The following LARP4 variants were observed in gnomAD, a reference collection of about 807,000 sequenced individuals.
LARP4 encodes la-related protein 4.
Under a neutral mutation model 92.9 loss-of-function variants are expected in LARP4, and 29 were observed. The ratio of observed to expected loss-of-function variants is 0.31; its 90% CI spans 0.23 to 0.43. The LOEUF is 0.43. Among genes scored for constraint, LARP4 ranks in the 20% least tolerant of loss-of-function variants. LARP4 has a pLI of 1.00. For synonymous variants in LARP4, 279 were observed against 284.1 expected (o/e 0.98, Z 0.18); for missense variants, 732 against 860.0 (o/e 0.85, Z 1.86).
chr12:50,418,235 A>G (rs569601869), intron 1 of LARP4, among the ~76,000 whole-genome samples: 26 of 151,910 alleles, frequency 1.7e-4, no homozygotes, highest in African/African-American at 5.6e-4. Flanking sequence ...TCCTGACCTC[A>G]AGTGGATCCA....
At chr12:50,464,577 G>C (rs1955890394) in intron 12 of LARP4, among the ~76,000 whole-genome samples, 1 of 151,884 alleles carries the variant, frequency 6.6e-6, no homozygotes, top group Non-Finnish European at 1.5e-5. Flanking sequence ...ATTTTTAGTA[G>C]AGACGGAGTT....
At chr12:50,461,549 G>A (rs1233752204) in intron 11 of LARP4, 2 of 536,414 alleles carry the variant, frequency 3.7e-6, no homozygotes, top group Admixed American at 7.2e-5. Context: ...ATATAGCTCT[G>A]AATCAGAGGT....
chr12:50,440,584 C>A, intron 7 of LARP4, 35 bp downstream of exon 7: 3 of 1,398,566 alleles, frequency 2.1e-6, no homozygotes, highest in South Asian at 1.2e-5. Context: ...CAAGTCCATC[C>A]TAGTGGCAAA....
intron 13 of LARP4, among the ~76,000 whole-genome samples, chr12:50,468,701 C>T (rs935538991): frequency 4.6e-5 from 7 of 152,138 alleles, no homozygotes; most frequent in African/African-American, 1.7e-4. Context: ...AGCCAACATA[C>T]TCACACTTTT....
At chr12:50,424,667 T>G (rs1948447819) in intron 1 of LARP4, among the ~76,000 whole-genome samples, 1 of 151,968 alleles carries the variant, frequency 6.6e-6, no homozygotes, top group African/African-American at 2.4e-5. Context: ...CAACCCTGTC[T>G]TTAAAAATAA....
intron 1 of LARP4, chr12:50,415,622 A>G (rs1946629519): frequency 6.6e-6 from 1 of 151,232 alleles, no homozygotes; most frequent in African/African-American, 2.4e-5. Flanking sequence ...CATTTGCAAA[A>G]TTGCCCATGT....
chr12:50,473,587 C>A, intron 14 of LARP4, 51 bp downstream of exon 14: 1 of 1,574,672 alleles, frequency 6.4e-7, no homozygotes, highest in Non-Finnish European at 8.7e-7. Context: ...TTTTTCTGGC[C>A]GGGTGTGGTG....
intron 8 of LARP4, among the ~76,000 whole-genome samples, chr12:50,445,996 CTTTTTTCTTTTTTT>C (rs1314377149): frequency 7.1e-6 from 1 of 141,168 alleles, no homozygotes; most frequent in Non-Finnish European, 1.6e-5. Flanking sequence ...TTCTTTTTTT[CTTTTTTCTTTTTTT>C]TTTTTTTTTT....
rs752686428 is a variant in LARP4 at position 50,461,364 on chromosome 12, C to T, written c.1334+17C>T. 15 of 1,600,782 alleles carry T rather than the reference C, an allele frequency of 9.4e-6. No homozygotes were observed. Among genetic ancestry groups the T allele is most frequent in the Non-Finnish European group, 1.1e-5 (13 of 1,170,698 alleles). ...TAGGGGCAGGTAAGAAAATAAAGTA[C>T]CTGAAAACCTTTGATAATAATGTGA... On this transcript the variant is annotated intron_variant, in intron 11 of 15. Transcript: ENST00000398473.
Position 50,428,585 on chromosome 12 carries a change from C to T in LARP4, c.167-350C>T, listed in dbSNP as rs1303288262. Among the ~76,000 whole-genome samples, 4 of 152,182 alleles carry T rather than the reference C, an allele frequency of 2.6e-5. No homozygotes were observed. In the East Asian group the frequency reaches 7.7e-4, roughly 29 times the overall value. On this transcript the variant is annotated intron_variant, in intron 2 of 15. Transcript: ENST00000398473. ...CTCTGCTATTTACTCACTGTTCGAC[C>T]TTGGGCAAATAACTTAATTTCTCTA...
intron 6 of LARP4, among the ~76,000 whole-genome samples, chr12:50,440,172 C>T (rs1043406111): frequency 2.0e-5 from 3 of 152,160 alleles, no homozygotes; most frequent in African/African-American, 4.8e-5. Flanking sequence ...TGGAGTGGCT[C>T]GTGCCTGTAA....
At chr12:50,435,678 T>C (rs1452989576) in intron 5 of LARP4, 54 bp downstream of exon 5, 4 of 1,323,736 alleles carry the variant, frequency 3.0e-6, no homozygotes, top group African/African-American at 2.9e-5. Context: ...TAAAATGTTA[T>C]TTCGACTTCT....
intron 10 of LARP4, among the ~76,000 whole-genome samples, chr12:50,455,853 C>T (rs1451217790): frequency 6.6e-6 from 1 of 152,076 alleles, no homozygotes; most frequent in Non-Finnish European, 1.5e-5. Context: ...TCAAGAGCAG[C>T]CTGGGCAATA....
At chr12:50,424,901 C>T (rs1414081662) in intron 1 of LARP4, among the ~76,000 whole-genome samples, 1 of 151,908 alleles carries the variant, frequency 6.6e-6, no homozygotes, top group African/African-American at 2.4e-5. Flanking sequence ...AATCCCAGCA[C>T]TTTGGGAGGC....
rs1404068236 is a variant in LARP4, at chr12:50,478,078, G to A, written c.*2214G>A. On this transcript the variant is annotated 3_prime_UTR_variant, in exon 16 of 16. Transcript: ENST00000398473. ...AGGTCTGTATTACTTGTATGCTTGT[G>A]TGACTTACTGTTAGTCCAGCTCTAA... is the stretch of plus-strand genomic sequence containing the variant. 1 of 152,430 alleles carries A rather than the reference G, an allele frequency of 6.6e-6. No individual in the cohort carries two copies. The highest frequency in any genetic ancestry group is 1.5e-5 in the Non-Finnish European group (1 of 67,926). The allele number at this position is 152,430 out of a possible 1,614,324, so 9.4% of individuals were successfully genotyped here. A position where few individuals can be genotyped will look rare whatever the true frequency, so the allele number is the denominator to read the frequency against.
At position 50,462,598 on chromosome 12, in the gene LARP4, G is replaced by A; in HGVS notation, c.1351G>A (p.Gly451Ser). 1 of 1,404,640 alleles carries A rather than the reference G, an allele frequency of 7.1e-7. No individual in the cohort carries two copies. Among genetic ancestry groups the A allele is most frequent in the Non-Finnish European group, 9.6e-7 (1 of 1,043,426 alleles). The allele number at this position is 1,404,640 out of a possible 1,614,324, so 87.0% of individuals were successfully genotyped here. Residue 451 changes from glycine to serine, a missense_variant, in exon 12 of 16, where the codon GGT becomes AGT. Gly to Ser is a moderately conservative substitution (Grantham distance 56). This residue lies in a region of LARP4 where 264 missense variants were observed against 269.5 expected (regional missense o/e 0.98). Coordinates refer to ENST00000398473, the MANE Select transcript of LARP4 (RefSeq NM_052879.5). ...TATTAAAAGGAGAACTCTCTTCAGA[G>A]GTCGAAGACGACGAGAAGATGACAG... ...YGRGRRTLFR[G>S]RRRREDDRIS...
At chr12:50,464,256 G>C (rs942483717) in intron 12 of LARP4, among the ~76,000 whole-genome samples, 2 of 152,260 alleles carry the variant, frequency 1.3e-5, no homozygotes, top group African/African-American at 4.8e-5. Flanking sequence ...CATCTGCCCA[G>C]CTTCTGGGGA....
chr12:50,474,170 A>G lies in LARP4; in HGVS notation c.1836+3A>G. ...CAGCTACAGCTGTGGCTCTACAGGT[A>G]ACTTGAAGATTTTAGTTTATGTTAA... On this transcript the variant is annotated splice_donor_region_variant and intron_variant, in intron 15 of 15. Transcript: ENST00000398473. 1 of 1,589,828 alleles carries G rather than the reference A, an allele frequency of 6.3e-7. No individual in the cohort carries two copies. The highest frequency in any genetic ancestry group is 1.2e-5 in the South Asian group (1 of 86,240).
chr12:50,475,680 C>A lies in LARP4; in HGVS notation c.1991C>A (p.Pro664Gln). Residue 664 changes from proline to glutamine, a missense_variant, in exon 16 of 16, where the codon CCA becomes CAA. This residue lies in a region of LARP4 where 115 missense variants were observed against 129.1 expected (regional missense o/e 0.89). Transcript: ENST00000398473. Reference sequence around the variant, plus strand: ...GCTCCTGAGAACTCCGTTGAGAAACCACATGAGAAGCCAGAAGCAAGGGCT... The same window carrying A: ...GCTCCTGAGAACTCCGTTGAGAAACAACATGAGAAGCCAGAAGCAAGGGCT... Reference protein sequence around the residue: ...NGAPENSVEKPHEKPEARASK... With the variant: ...NGAPENSVEKQHEKPEARASK... The A allele has an allele frequency of 6.2e-7, 1 of 1,613,970 alleles. No individual in the cohort carries two copies. The highest frequency in any genetic ancestry group is 8.5e-7 in the Non-Finnish European group (1 of 1,180,018).
Sources: allele counts gnomAD v4.1 joint callset (sites outside exome capture counted in the v4.1 genomes callset), GRCh38; gene constraint gnomAD v4.1.1; regional missense constraint gnomAD v4.1.1; transcripts MANE v1.5; gene names NCBI Gene and HGNC (gene_info 2026-07-23, HGNC 2026-07-21).